Variants in DMGDH observed in about 807,000 individuals in gnomAD.
DMGDH encodes dimethylglycine dehydrogenase.
DMGDH carries 76 observed loss-of-function variants against 95.2 expected under a neutral mutation model. That is an observed-to-expected ratio of 0.80 (90% CI 0.66 to 0.97). DMGDH has a LOEUF of 0.97. Among genes scored for constraint, DMGDH ranks in the 50% least tolerant of loss-of-function variants. The pLI is 0.00. For missense variants in DMGDH, 987 were observed against 1,055.0 expected (o/e 0.94, Z 0.89); for synonymous variants, 345 against 377.6 (o/e 0.91, Z 1.00).
Position 78,998,063 on chromosome 5 carries a change from G to T in DMGDH, c.*19C>A, listed in dbSNP as rs777165765. The stretch of plus-strand genomic sequence containing the variant: ...AGTCATTAGCAACTCTAATTCAGTT[G>T]ACTGCTGAAGGTCTTTTTTCAAGTT... On this transcript the variant is annotated 3_prime_UTR_variant, in exon 16 of 16. Coordinates refer to ENST00000255189, the MANE Select transcript of DMGDH (RefSeq NM_013391.3). 25 of 1,613,314 alleles carry T rather than the reference G, an allele frequency of 1.5e-5. No homozygotes were observed. The highest frequency in any genetic ancestry group is 2.0e-5 in the Non-Finnish European group (23 of 1,179,292).
chr5:79,069,665 C>A lies in DMGDH; in HGVS notation c.-45G>T, dbSNP rs1452925402. The A allele has an allele frequency of 3.1e-6, 4 of 1,297,202 alleles. No individual in the cohort carries two copies. Among genetic ancestry groups the A allele is most frequent in the South Asian group, 2.5e-5 (1 of 39,452 alleles). 80.4% of individuals were successfully genotyped at this position (1,297,202 alleles called of 1,614,324 possible). ...GCGCAGGCGCCTGCTCCGAGGCCAG[C>A]GGGCAGCCTGAGGCCGCGGGGCCGG... On this transcript the variant is annotated 5_prime_UTR_variant, in exon 1 of 16. Transcript: ENST00000255189.
chr5:79,034,858 C>A (rs1481618453), intron 7 of DMGDH, among the ~76,000 whole-genome samples: 1 of 151,722 alleles, frequency 6.6e-6, no homozygotes, highest in Non-Finnish European at 1.5e-5. Context: ...GAGATCGAGA[C>A]CATCTTGGCT....
At chr5:79,038,314 T>C (rs1316678242) in intron 7 of DMGDH, among the ~76,000 whole-genome samples, 1 of 152,062 alleles carries the variant, frequency 6.6e-6, no homozygotes, top group African/African-American at 2.4e-5. Flanking sequence ...GAAAACCCCA[T>C]CTCTACTAAA....
chr5:79,030,095 C>T (rs1197457449), intron 10 of DMGDH, 61 bp from the exon 11 acceptor site: 5 of 1,415,496 alleles, frequency 3.5e-6, no homozygotes, highest in Non-Finnish European at 4.0e-6. Flanking sequence ...ATCCTTTTAA[C>T]ACCTATTGAA....
intron 1 of DMGDH, among the ~76,000 whole-genome samples, chr5:79,068,607 T>C (rs1755448876): frequency 6.6e-6 from 1 of 152,160 alleles, no homozygotes; most frequent in Non-Finnish European, 1.5e-5. Flanking sequence ...CAAAAGCAGG[T>C]CTTCTGATTC....
At chr5:79,043,520 G>A (rs946455701) in intron 6 of DMGDH, among the ~76,000 whole-genome samples, 2 of 152,220 alleles carry the variant, frequency 1.3e-5, no homozygotes, top group Admixed American at 1.3e-4. Flanking sequence ...TCTTTGAGGA[G>A]TAGAGTGGAG....
Position 79,026,465 on chromosome 5 carries a change from C to T in DMGDH, c.2149G>A (p.Ala717Thr). Residue 717 changes from alanine (A) to threonine (T), a missense_variant, in exon 13 of 16, where the codon GCC becomes ACC. Coordinates refer to ENST00000255189, the MANE Select transcript of DMGDH (RefSeq NM_013391.3). The stretch of plus-strand genomic sequence containing the variant: ...CTGAAGGCTTTCTCCAGGCGTAAGG[C>T]ATTCATGGCATAGGTTCCAAAATTG... ...IDNFGTYAMN[A>T]LRLEKAFRAW... 1 of 1,614,140 alleles carries T rather than the reference C, an allele frequency of 6.2e-7. No homozygotes were observed. The highest frequency in any genetic ancestry group is 1.1e-5 in the South Asian group (1 of 91,078).
chr5:79,032,725 C>A lies in DMGDH; in HGVS notation c.1479G>T (p.Pro493=), dbSNP rs762477431. Residue 493 remains proline, a synonymous_variant, in exon 9 of 16, where the codon CCG becomes CCT. Coordinates refer to ENST00000255189, the MANE Select transcript of DMGDH (RefSeq NM_013391.3). ...CCTGGCCTGGTTTGTAGAACCAGTG[C>A]GGCTGCTCCCAGCCAGCATGGAACC... is the stretch of plus-strand genomic sequence containing the variant. ...SMGFHAGWEQ[P]HWFYKPGQDT... 3 of 1,614,166 alleles carry A rather than the reference C, an allele frequency of 1.9e-6. No individual in the cohort carries two copies. The highest frequency in any genetic ancestry group is 1.7e-6 in the Non-Finnish European group (2 of 1,180,044).
chr5:79,021,630 T>G, intron 14 of DMGDH: 1 of 1,318,234 alleles, frequency 7.6e-7, no homozygotes, highest in South Asian at 1.2e-5. Flanking sequence ...ATGGCCCATC[T>G]GCTCACCCAG....
intron 7 of DMGDH, among the ~76,000 whole-genome samples, chr5:79,034,863 T>A (rs896936471): frequency 6.6e-6 from 1 of 151,726 alleles, no homozygotes; most frequent in Non-Finnish European, 1.5e-5. Context: ...CGAGACCATC[T>A]TGGCTAACAC....
At chr5:79,030,647 CAAAAAAAAA>C (rs59687681) in intron 10 of DMGDH, 177 bp downstream of exon 10, 3 of 383,950 alleles carry the variant, frequency 7.8e-6, no homozygotes, top group African/African-American at 2.9e-5. Flanking sequence ...CTCTGTCTCT[CAAAAAAAAA>C]AAAAAAAAAA....
chr5:79,030,582 G>A (rs1182535517), intron 10 of DMGDH: 1 of 375,554 alleles, frequency 2.7e-6, no homozygotes, highest in African/African-American at 2.2e-5. Context: ...GGAGGCGAAG[G>A]TTGCAGTGAG....
At chr5:79,067,712 C>A (rs1272138145) in intron 1 of DMGDH, among the ~76,000 whole-genome samples, 1 of 152,062 alleles carries the variant, frequency 6.6e-6, no homozygotes, top group Non-Finnish European at 1.5e-5. Context: ...TCTTAAAATC[C>A]TTCTGAATGT....
At chr5:79,004,985 T>C (rs1419753820) in intron 15 of DMGDH, among the ~76,000 whole-genome samples, 6 of 152,210 alleles carry the variant, frequency 3.9e-5, no homozygotes, top group Non-Finnish European at 8.8e-5. Flanking sequence ...AAATAGATCA[T>C]TTACCCTCTA....
chr5:79,050,261 AAAAAAAAAAAAAAT>A (rs1185694966), intron 5 of DMGDH, among the ~76,000 whole-genome samples: 27 of 62,094 alleles, frequency 4.3e-4, no homozygotes, highest in Admixed American at 3.6e-4. Flanking sequence ...AAAAAAAAAA[AAAAAAAAAAAAAAT>A]ATATATATAT....
chr5:79,021,324 C>G (rs985527107), intron 14 of DMGDH: 1 of 1,097,280 alleles, frequency 9.1e-7, no homozygotes, highest in Non-Finnish European at 1.1e-6. Context: ...TTCATGAGAT[C>G]TGAGAGCCAT....
chr5:79,004,095 G>A (rs576487070), intron 15 of DMGDH, among the ~76,000 whole-genome samples: 28 of 152,290 alleles, frequency 1.8e-4, no homozygotes, highest in African/African-American at 6.7e-4. Flanking sequence ...CTAGACCTGG[G>A]TTGGAGATCA....
At position 79,069,401 on chromosome 5, in the gene DMGDH, T is replaced by C. The variant is rs539712201; in HGVS notation, c.101+119A>G. 6.2e-5 allele frequency: 28 copies of C among 448,158 alleles called. No homozygotes were observed. In the East Asian group the frequency reaches 8.7e-4, roughly 14 times the overall value. The allele number at this position is 448,158 out of a possible 1,614,324, so 27.8% of individuals were successfully genotyped here. A position where few individuals can be genotyped will look rare whatever the true frequency, so the allele number is the denominator to read the frequency against. ...ATAATTAAAAGATAATTCGAGAAGA[T>C]ATATCAAGGCCTATTTCTTGGAGGC... On this transcript the variant is annotated intron_variant, in intron 1 of 15. Coordinates refer to ENST00000255189, the MANE Select transcript of DMGDH (RefSeq NM_013391.3).
intron 1 of DMGDH, 80 bp from the exon 2 acceptor site, chr5:79,063,867 C>G (rs1392410481): frequency 1.4e-6 from 2 of 1,407,172 alleles, no homozygotes; most frequent in East Asian, 2.3e-5. Context: ...TCCCCTTACC[C>G]GTTTCTCTAG....
Sources: allele counts gnomAD v4.1 joint callset (sites outside exome capture counted in the v4.1 genomes callset), GRCh38; gene constraint gnomAD v4.1.1; transcripts MANE v1.5; gene names NCBI Gene and HGNC (gene_info 2026-07-23, HGNC 2026-07-21).